RSRP1: variants seen among roughly 807,000 people sequenced by gnomAD.
RSRP1 encodes arginine/serine-rich protein 1.
Under a neutral mutation model 33.0 loss-of-function variants are expected in RSRP1, and 37 were observed. The observed-to-expected ratio is 1.12, with a 90% CI of 0.86 to 1.48. The LOEUF (loss-of-function observed/expected upper bound fraction) is 1.48, where lower values mean the gene tolerates loss of function less well. Ranked by LOEUF, RSRP1 falls within the 40% of genes most tolerant of loss-of-function variation. RSRP1 has a pLI of 0.00. For synonymous variants in RSRP1, 167 were observed against 158.7 expected (o/e 1.05, Z -0.40); for missense variants, 402 against 385.3 (o/e 1.04, Z -0.36).
At chr1:25,316,380 G>T (rs1424029318) in intron 1 of RSRP1, among the ~76,000 whole-genome samples, 2 of 129,574 alleles carry the variant, frequency 1.5e-5, no homozygotes, top group African/African-American at 2.7e-5. Flanking sequence ...AGCACTTTGG[G>T]AGGCCGAGGC....
In RSRP1 at chr1:25,265,507, G is replaced by C. The variant is rs1371593988; in HGVS notation, c.-66-18478C>G. The stretch of plus-strand genomic sequence containing the variant: ...TTTTTGAGACAGAGTCTCACCTGTT[G>C]CCTAGACTAGAATGCAGTGGCACAA... On this transcript the variant is annotated intron_variant, in intron 1 of 1. Coordinates refer to the RSRP1 transcript ENST00000561867. Among the ~76,000 whole-genome samples, 2 of 105,232 alleles carry C rather than the reference G, an allele frequency of 1.9e-5. 1 individual carries two copies. The highest frequency in any genetic ancestry group is 4.4e-5 in the Non-Finnish European group (2 of 45,550). The allele number at this position is 105,232 out of a possible 152,430, so 69.0% of individuals were successfully genotyped here. A position where few individuals can be genotyped will look rare whatever the true frequency, so the allele number is the denominator to read the frequency against.
In RSRP1 at chr1:25,247,040, A is replaced by G. The variant is rs2124542747; in HGVS notation, c.-66-11T>C. 1.4e-6 allele frequency: 2 copies of G among 1,379,746 alleles called. No individual in the cohort carries two copies. The allele number at this position is 1,379,746 out of a possible 1,614,324, so 85.5% of individuals were successfully genotyped here. ...TCAACTCAGGACTTCCTAAAAAACCAAGAGAGAAAAAACAAGTCGAGTCGC... is the reference window on the plus strand; with the variant it reads ...TCAACTCAGGACTTCCTAAAAAACCGAGAGAGAAAAAACAAGTCGAGTCGC... On this transcript the variant is annotated splice_polypyrimidine_tract_variant and intron_variant, in intron 1 of 4. Coordinates refer to ENST00000243189, the MANE Select transcript of RSRP1 (RefSeq NM_020317.5).
At chr1:25,286,392 G>T (rs1195161707) in intron 1 of RSRP1, among the ~76,000 whole-genome samples, 2 of 135,022 alleles carry the variant, frequency 1.5e-5, no homozygotes, top group Non-Finnish European at 3.5e-5. Flanking sequence ...GGGAGGCTGA[G>T]GCAGGAGGAT....
chr1:25,261,698 CCAG>C (rs1306836303), intron 1 of RSRP1, among the ~76,000 whole-genome samples: 8 of 149,494 alleles, frequency 5.4e-5, no homozygotes, highest in African/African-American at 2.0e-4. Context: ...GCCACCGCGC[CCAG>C]CAGATTTTTT....
chr1:25,306,333 C>T lies in RSRP1; in HGVS notation c.-67+31645G>A, dbSNP rs554620127. 3.4e-4 allele frequency among the ~76,000 whole-genome samples: 45 copies of T among 131,790 alleles called. 8 individuals carry two copies. The highest frequency in any genetic ancestry group is 9.7e-4 in the African/African-American group (37 of 38,322). The allele number at this position is 131,790 out of a possible 152,430, so 86.5% of individuals were successfully genotyped here. Reference sequence around the variant, plus strand: ...GACCCTTGCTACTCATAGTGTGGTCCGTAGACCAGCAGCATTGGCATCACC... The same window carrying T: ...GACCCTTGCTACTCATAGTGTGGTCTGTAGACCAGCAGCATTGGCATCACC... On this transcript the variant is annotated intron_variant, in intron 1 of 1. Coordinates refer to the RSRP1 transcript ENST00000561867.
At position 25,301,644 on chromosome 1, in the gene RSRP1, C is replaced by G. The variant is rs147896635; in HGVS notation, c.-67+36334G>C. On this transcript the variant is annotated intron_variant, in intron 1 of 1. Transcript: ENST00000561867. ...TAGCAGTCAGCGTGGTGACAGCCAT[C>G]TCAGGGTCATCCTTGGCTCACCCCC... is the stretch of plus-strand genomic sequence containing the variant. 1.4e-4 allele frequency: 192 copies of G among 1,380,364 alleles called. 59 individuals carry two copies. The highest frequency in any genetic ancestry group is 2.0e-4 in the Non-Finnish European group (191 of 979,320). 85.5% of individuals were successfully genotyped at this position (1,380,364 alleles called of 1,614,324 possible). A position where few individuals can be genotyped will look rare whatever the true frequency, so the allele number is the denominator to read the frequency against.
chr1:25,271,346 TAGTGACAGGGTGCTCACTACCTCATG>T lies in RSRP1; in HGVS notation c.-66-24343_-66-24318del, dbSNP rs1482355056. 1.5e-5 allele frequency among the ~76,000 whole-genome samples: 2 copies of T among 130,344 alleles called. 1 individual carries two copies. The highest frequency in any genetic ancestry group is 3.6e-5 in the Non-Finnish European group (2 of 55,164). 85.5% of individuals were successfully genotyped at this position (130,344 alleles called of 152,430 possible). On this transcript the variant is annotated intron_variant, in intron 1 of 1. Coordinates refer to the RSRP1 transcript ENST00000561867. ...TTTTCAAGACATTTCTGCATTCCTC[TAGTGACAGGGTGCTCACTACCTCATG>T]AGTATTTCAGTGGACAACTGTAATG...
In RSRP1 at chr1:25,246,825, A is replaced by C. The variant is rs74429132; in HGVS notation, c.139T>G (p.Ser47Ala). The C allele has an allele frequency of 6.2e-7, 1 of 1,613,290 alleles. No homozygotes were observed. Among genetic ancestry groups the C allele is most frequent in the Middle Eastern group, 1.6e-4 (1 of 6,062 alleles). Residue 47 changes from serine to alanine, a missense_variant, in exon 2 of 5, where the codon TCC becomes GCC. Coordinates refer to ENST00000243189, the MANE Select transcript of RSRP1 (RefSeq NM_020317.5). ...GACGAAAACCGGCTCGAGACGCGGG[A>C]ATGGGACCGAGAGCTTCTGGAAAAA... ...RSFSRSSRSH[S>A]RVSSRFSSRS...
rs548774243 is a variant in RSRP1 at position 25,275,561 on chromosome 1, A to G, written c.-66-28532T>C. ...ATGGTGTACACACGATTTTTTGAGC[A>G]TGTACCATGGTTATATATTACACTT... On this transcript the variant is annotated intron_variant, in intron 1 of 1. Coordinates refer to the RSRP1 transcript ENST00000561867. 1.7e-4 allele frequency among the ~76,000 whole-genome samples: 23 copies of G among 132,520 alleles called. 7 individuals are homozygous for G. The highest frequency in any genetic ancestry group is 5.9e-4 in the African/African-American group (23 of 38,908). 86.9% of individuals were successfully genotyped at this position (132,520 alleles called of 152,430 possible).
Position 25,312,949 on chromosome 1 carries a change from A to AAAAAAAC in RSRP1, c.-67+25022_-67+25028dup, listed in dbSNP as rs1376741676. Among the ~76,000 whole-genome samples, 20 of 112,056 alleles carry AAAAAAAC rather than the reference A, an allele frequency of 1.8e-4. 3 individuals are homozygous for AAAAAAAC. The highest frequency in any genetic ancestry group is 6.3e-4 in the Admixed American group (7 of 11,106). 73.5% of individuals were successfully genotyped at this position (112,056 alleles called of 152,430 possible). On this transcript the variant is annotated intron_variant, in intron 1 of 1. Coordinates refer to the RSRP1 transcript ENST00000561867. ...AAAAAAAAAAAAAAAAAAAAAAAAA[A>AAAAAAAC]AAAAAACTTTAGTGCTATTGGAATG...
rs568450315 is a variant in RSRP1, at chr1:25,293,338, G to A, written c.-67+44640C>T. Among the ~76,000 whole-genome samples, 24 of 128,212 alleles carry A rather than the reference G, an allele frequency of 1.9e-4. 5 individuals are homozygous for A. In the South Asian group the frequency reaches 5.2e-3, roughly 28 times the overall value. 84.1% of individuals were successfully genotyped at this position (128,212 alleles called of 152,430 possible). Reference sequence around the variant, plus strand: ...GCACTGATACCTTTAGGCCGATGCAGGGACAGTTCATCTTTTTTTTTTTTT... The same window carrying A: ...GCACTGATACCTTTAGGCCGATGCAAGGACAGTTCATCTTTTTTTTTTTTT... On this transcript the variant is annotated intron_variant, in intron 1 of 1. Coordinates refer to the RSRP1 transcript ENST00000561867.
At chr1:25,298,881 G>C (rs1339595752) in intron 1 of RSRP1, among the ~76,000 whole-genome samples, 1 of 128,768 alleles carries the variant, frequency 7.8e-6, no homozygotes, top group African/African-American at 2.7e-5. Context: ...AAGTTGGGGA[G>C]AGAGGATAAC....
Position 25,246,737 on chromosome 1 carries a change from C to G in RSRP1, c.227G>C (p.Arg76Pro), listed in dbSNP as rs779324311. The change falls in exon 2 of 5, where the codon CGC becomes CCC. Residue 76 changes from arginine (R) to proline (P), a missense_variant. Physicochemically the swap from Arg to Pro is moderately radical, Grantham distance 103. Transcript: ENST00000243189. Reference sequence around the variant, plus strand: ...GCTCCGCGAGTATGACCGCGAGTAGCGCCTGTACTTCCGCTGGTGGCGCCT... The same window carrying G: ...GCTCCGCGAGTATGACCGCGAGTAGGGCCTGTACTTCCGCTGGTGGCGCCT... The part of the protein sequence containing the change: ...SRRRHQRKYR[R>P]YSRSYSRSRS... 4 of 1,608,744 alleles carry G rather than the reference C, an allele frequency of 2.5e-6. No homozygotes were observed. Among genetic ancestry groups the G allele is most frequent in the Non-Finnish European group, 3.4e-6 (4 of 1,176,244 alleles).
chr1:25,246,360 C>T, intron 2 of RSRP1, 84 bp downstream of exon 2: 1 of 1,538,726 alleles, frequency 6.5e-7, no homozygotes, highest in African/African-American at 1.4e-5. Context: ...AATATTGAAA[C>T]TACACAGCAA....
chr1:25,268,800 T>A, intron 1 of RSRP1, among the ~76,000 whole-genome samples: 1 of 129,472 alleles, frequency 7.7e-6, no homozygotes, highest in East Asian at 2.0e-4. Flanking sequence ...AAACAAAAAC[T>A]AGCCGGGTGT....
chr1:25,244,004 A>C, intron 3 of RSRP1: 8 of 1,185,938 alleles, frequency 6.7e-6, no homozygotes, highest in Non-Finnish European at 8.5e-6. Flanking sequence ...CTTGTCTACT[A>C]ATACTGAGCA....
In RSRP1 at chr1:25,331,809, G is replaced by A. The variant is rs1335916246; in HGVS notation, c.-67+6169C>T. Reference sequence around the variant, plus strand: ...GGCTGGAGTGCAGTGGCGCGATCTCGGCTCACTGCAAGCTCCGCCTCCCGG... The same window carrying A: ...GGCTGGAGTGCAGTGGCGCGATCTCAGCTCACTGCAAGCTCCGCCTCCCGG... On this transcript the variant is annotated intron_variant, in intron 1 of 1. Transcript: ENST00000561867. Among the ~76,000 whole-genome samples, 8 of 116,218 alleles carry A rather than the reference G, an allele frequency of 6.9e-5. 1 individual carries two copies. The highest frequency in any genetic ancestry group is 1.4e-4 in the Non-Finnish European group (7 of 49,892). The allele number at this position is 116,218 out of a possible 152,430, so 76.2% of individuals were successfully genotyped here. A position where few individuals can be genotyped will look rare whatever the true frequency, so the allele number is the denominator to read the frequency against.
Position 25,311,872 on chromosome 1 carries a change from G to A in RSRP1, c.-67+26106C>T, listed in dbSNP as rs1340371576. On this transcript the variant is annotated intron_variant, in intron 1 of 1. Coordinates refer to the RSRP1 transcript ENST00000561867. Reference sequence around the variant, plus strand: ...GTGTGCAGAATGCAAAAGCTGAGGGGGCATGCCTTCTTCCACCTACATTTC... The same window carrying A: ...GTGTGCAGAATGCAAAAGCTGAGGGAGCATGCCTTCTTCCACCTACATTTC... 3.0e-5 allele frequency among the ~76,000 whole-genome samples: 4 copies of A among 131,276 alleles called. 1 individual carries two copies. Among genetic ancestry groups the A allele is most frequent in the Non-Finnish European group, 7.2e-5 (4 of 55,906 alleles). 86.1% of individuals were successfully genotyped at this position (131,276 alleles called of 152,430 possible). A position where few individuals can be genotyped will look rare whatever the true frequency, so the allele number is the denominator to read the frequency against.
At chr1:25,257,333 CTTG>C (rs1320192817) in intron 1 of RSRP1, among the ~76,000 whole-genome samples, 2 of 152,148 alleles carry the variant, frequency 1.3e-5, no homozygotes, top group African/African-American at 4.8e-5. Context: ...AGGAGAGAAA[CTTG>C]TTCTTACTCT....
Sources: allele counts gnomAD v4.1 joint callset (sites outside exome capture counted in the v4.1 genomes callset), GRCh38; gene constraint gnomAD v4.1.1; transcripts MANE v1.5; gene names NCBI Gene and HGNC (gene_info 2026-07-23, HGNC 2026-07-21).